Variants in KIF26B observed in about 807,000 individuals in gnomAD.
The protein encoded by KIF26B is kinesin-like protein KIF26B.
A neutral mutation model predicts 151.2 loss-of-function variants in KIF26B; 63 were observed. The ratio of observed to expected loss-of-function variants is 0.42; its 90% CI spans 0.34 to 0.51. KIF26B has a LOEUF of 0.51. Among genes scored for constraint, KIF26B ranks in the 20% least tolerant of loss-of-function variants. KIF26B has a pLI of 0.07. For synonymous variants in KIF26B, 1,357 were observed against 1,262.1 expected (o/e 1.08, Z -1.59); for missense variants, 2,813 against 2,913.6 (o/e 0.97, Z 0.79).
intron 2 of KIF26B, among the ~76,000 whole-genome samples, chr1:245,183,217 A>G (rs1668938255): frequency 6.6e-6 from 1 of 152,206 alleles, no homozygotes; most frequent in Non-Finnish European, 1.5e-5. Context: ...GTCTCTTATC[A>G]GATATATGAT....
At position 245,373,353 on chromosome 1, in the gene KIF26B, T is replaced by C. The variant is rs145855033; in HGVS notation, c.999+5986T>C. ...TTTGATTCCAAGCTAATCTTTAACC[T>C]GAAGTGTCTTAATCATACTTAATAA... On this transcript the variant is annotated intron_variant, in intron 3 of 14. Transcript: ENST00000407071. Among the ~76,000 whole-genome samples, 91 of 152,328 alleles carry C rather than the reference T, an allele frequency of 6.0e-4. 1 individual carries two copies. The highest frequency in any genetic ancestry group is 2.1e-3 in the African/African-American group (87 of 41,568).
intron 5 of KIF26B, among the ~76,000 whole-genome samples, chr1:245,541,509 A>G (rs1019473783): frequency 3.9e-5 from 6 of 152,216 alleles, no homozygotes; most frequent in African/African-American, 1.4e-4. Flanking sequence ...GCTCAGCTAC[A>G]CTTGGGATCA....
chr1:245,616,672 C>A (rs12043178), intron 9 of KIF26B, among the ~76,000 whole-genome samples: 34,979 of 152,040 alleles, frequency 0.23, 4,226 homozygotes, highest in East Asian at 0.38. Context: ...CAACCCCTCA[C>A]GAGGTCAGGT....
chr1:245,378,994 G>A (rs1434795802), intron 3 of KIF26B, among the ~76,000 whole-genome samples: 3 of 152,146 alleles, frequency 2.0e-5, no homozygotes, highest in African/African-American at 4.8e-5. Context: ...AACCTTGAGC[G>A]CCATTTTCTT....
In KIF26B at chr1:245,602,726, C is replaced by G. The variant is rs2043410153; in HGVS notation, c.1500C>G (p.Asn500Lys). 6.2e-7 allele frequency: 1 copy of G among 1,613,946 alleles called. No individual in the cohort carries two copies. Among genetic ancestry groups the G allele is most frequent in the African/African-American group, 1.3e-5 (1 of 74,928 alleles). The change falls in exon 6 of 15, where the codon AAC becomes AAG. Residue 500 changes from asparagine to lysine, a missense_variant. By Grantham distance (94) the Asn-to-Lys change is moderately conservative (BLOSUM62 0). Around this residue, in one of 3 missense-constraint regions of KIF26B, gnomAD observed 676 missense variants for 688.1 expected, o/e 0.98. Coordinates refer to ENST00000407071, the MANE Select transcript of KIF26B (RefSeq NM_018012.4). The surrounding 1 kb of genome is among the most constrained non-coding windows in gnomAD (Gnocchi z 4.5). ...AAAATGCCTTCCAAAAGAGAGGCAACCAGGTTCCTCCAAAGATGTTTGCCT... is the reference window on the plus strand; with the variant it reads ...AAAATGCCTTCCAAAAGAGAGGCAAGCAGGTTCCTCCAAAGATGTTTGCCT... ...GGQNAFQKRG[N>K]QVPPKMFAFD...
In KIF26B at chr1:245,166,359, G is replaced by A. The variant is rs185760199; in HGVS notation, c.465+9676G>A. ...CAGAGAAAATGAAAGCATTCAGTGC[G>A]TCTTTGTTTCTTCACCTCCAAGTGG... is the stretch of plus-strand genomic sequence containing the variant. On this transcript the variant is annotated intron_variant, in intron 2 of 14. Coordinates refer to ENST00000407071, the MANE Select transcript of KIF26B (RefSeq NM_018012.4). This position sits in a 1 kb window ranked among gnomAD's most constrained non-coding sequence, Gnocchi z 4.5. 1.2e-4 allele frequency among the ~76,000 whole-genome samples: 18 copies of A among 152,094 alleles called. No homozygotes were observed. The highest frequency in any genetic ancestry group is 2.7e-4 in the African/African-American group (11 of 41,498).
rs982957086 is a variant in KIF26B at position 245,606,848 on chromosome 1, A to C, written c.1558-803A>C. 1.2e-4 allele frequency among the ~76,000 whole-genome samples: 18 copies of C among 152,144 alleles called. No individual in the cohort carries two copies. The highest frequency in any genetic ancestry group is 4.3e-4 in the African/African-American group (18 of 41,432). ...GAGGCCGAGGCGGGTGGATCACCTG[A>C]GGTCAGGAGTTTGAGACCAGCCTGA... On this transcript the variant is annotated intron_variant, in intron 6 of 14. Coordinates refer to ENST00000407071, the MANE Select transcript of KIF26B (RefSeq NM_018012.4). This position sits in a 1 kb window ranked among gnomAD's most constrained non-coding sequence, Gnocchi z 4.6.
In KIF26B at chr1:245,687,716, A is replaced by C; in HGVS notation, c.4733A>C (p.Glu1578Ala). The C allele has an allele frequency of 6.3e-7, 1 of 1,580,944 alleles. No individual in the cohort carries two copies. Among genetic ancestry groups the C allele is most frequent in the Non-Finnish European group, 8.6e-7 (1 of 1,163,854 alleles). Residue 1578 changes from glutamate to alanine, a missense_variant, in exon 12 of 15, where the codon GAG becomes GCG. This residue lies in a region of KIF26B where 2,060 missense variants were observed against 2,088.6 expected (regional missense o/e 0.99). Coordinates refer to ENST00000407071, the MANE Select transcript of KIF26B (RefSeq NM_018012.4). The surrounding 1 kb of genome is among the most constrained non-coding windows in gnomAD (Gnocchi z 4.9). ...ACCCCGCCCTCCAAGGCTACCCTGGAGGGGAAGGTGGCTTCCCCCAAGCAC... is the reference window on the plus strand; with the variant it reads ...ACCCCGCCCTCCAAGGCTACCCTGGCGGGGAAGGTGGCTTCCCCCAAGCAC... Reference protein sequence around the residue: ...SGTPPSKATLEGKVASPKHCV... With the variant: ...SGTPPSKATLAGKVASPKHCV...
At chr1:245,499,647 A>C (rs924870701) in intron 4 of KIF26B, among the ~76,000 whole-genome samples, 1 of 152,206 alleles carries the variant, frequency 6.6e-6, no homozygotes, top group Non-Finnish European at 1.5e-5. Flanking sequence ...AAGTAATTTG[A>C]GGGGGACAGA....
Position 245,218,123 on chromosome 1 carries a change from C to G in KIF26B, c.465+61440C>G, listed in dbSNP as rs112927444. Among the ~76,000 whole-genome samples, 1 of 152,208 alleles carries G rather than the reference C, an allele frequency of 6.6e-6. No homozygotes were observed. The highest frequency in any genetic ancestry group is 2.4e-5 in the African/African-American group (1 of 41,458). ...TCCAGCATGTCTGGATCCTGTGCAG[C>G]GGGCAGAGGCCAGAGGCCATGGTGG... On this transcript the variant is annotated intron_variant, in intron 2 of 14. Coordinates refer to ENST00000407071, the MANE Select transcript of KIF26B (RefSeq NM_018012.4). This position sits in a 1 kb window ranked among gnomAD's most constrained non-coding sequence, Gnocchi z 4.1.
chr1:245,184,047 G>GTTTTTTTTTTTTT lies in KIF26B; in HGVS notation c.465+27366_465+27367insTTTTTTTTTTTTT, dbSNP rs1469137088. Reference sequence around the variant, plus strand: ...CCTGCAACAGGTATGGGTGGGAGTTGTTGTTTTTTTTTTTTTTTTTTTGAG... The same window carrying GTTTTTTTTTTTTT: ...CCTGCAACAGGTATGGGTGGGAGTTGTTTTTTTTTTTTTTTGTTTTTTTTTTTTTTTTTTTGAG... On this transcript the variant is annotated intron_variant, in intron 2 of 14. Transcript: ENST00000407071. Among the ~76,000 whole-genome samples the GTTTTTTTTTTTTT allele has an allele frequency of 6.3e-3, 58 of 9,228 alleles. 1 individual carries two copies. The highest frequency in any genetic ancestry group is 9.4e-3 in the Admixed American group (5 of 532). The allele number at this position is 9,228 out of a possible 152,430, so 6.1% of individuals were successfully genotyped here.
chr1:245,274,350 T>C (rs558909408), intron 2 of KIF26B, among the ~76,000 whole-genome samples: 1 of 152,184 alleles, frequency 6.6e-6, no homozygotes, highest in South Asian at 2.1e-4. Flanking sequence ...CATTAGGTAT[T>C]TATCCTAATG....
chr1:245,357,977 C>T (rs777531793), intron 2 of KIF26B, among the ~76,000 whole-genome samples: 1 of 152,118 alleles, frequency 6.6e-6, no homozygotes, highest in Non-Finnish European at 1.5e-5. Context: ...ATGGCAGTGG[C>T]GTCATCATAG....
intron 5 of KIF26B, among the ~76,000 whole-genome samples, chr1:245,548,635 TGG>T (rs1213514374): frequency 6.6e-6 from 1 of 152,164 alleles, no homozygotes; most frequent in Non-Finnish European, 1.5e-5. Flanking sequence ...TCCCACTTTG[TGG>T]GAGAAGACAA....
At chr1:245,287,498 C>CTT (rs1334935128) in intron 2 of KIF26B, among the ~76,000 whole-genome samples, 59 of 109,338 alleles carry the variant, frequency 5.4e-4, no homozygotes, top group Admixed American at 8.5e-4. Context: ...CTCTCTCTCT[C>CTT]TTTTTTTTTT....
At chr1:245,662,336 C>T (rs376494964) in intron 10 of KIF26B, among the ~76,000 whole-genome samples, 7 of 101,318 alleles carry the variant, frequency 6.9e-5, no homozygotes, top group East Asian at 2.7e-4. Flanking sequence ...ATGATATATA[C>T]ACACACACCC....
chr1:245,687,056 A>G lies in KIF26B; in HGVS notation c.4073A>G (p.Lys1358Arg). ...DDSFNKAAPI[K>R]GCKISTVSKA... Reference sequence around the variant, plus strand: ...TCTTTCAACAAAGCAGCCCCCATCAAAGGCTGCAAAATATCCACAGTGAGC... The same window carrying G: ...TCTTTCAACAAAGCAGCCCCCATCAGAGGCTGCAAAATATCCACAGTGAGC... The change falls in exon 12 of 15, where the codon AAA becomes AGA. Residue 1358 changes from lysine (K) to arginine (R), a missense_variant. By Grantham distance (26) the Lys-to-Arg change is conservative. This residue lies in a region of KIF26B where 2,060 missense variants were observed against 2,088.6 expected (regional missense o/e 0.99). Transcript: ENST00000407071. The surrounding 1 kb of genome is among the most constrained non-coding windows in gnomAD (Gnocchi z 4.9). The G allele has an allele frequency of 6.2e-7, 1 of 1,613,514 alleles. No individual in the cohort carries two copies. Among genetic ancestry groups the G allele is most frequent in the Non-Finnish European group, 8.5e-7 (1 of 1,179,816 alleles).
At chr1:245,662,532 A>G (rs2044161751) in intron 10 of KIF26B, among the ~76,000 whole-genome samples, 1 of 147,932 alleles carries the variant, frequency 6.8e-6, no homozygotes. Flanking sequence ...CACACCCCCA[A>G]TATATATACA....
chr1:245,291,854 G>T (rs1424341939), intron 2 of KIF26B, among the ~76,000 whole-genome samples: 2 of 152,106 alleles, frequency 1.3e-5, no homozygotes, highest in Non-Finnish European at 2.9e-5. Context: ...TTCAGAGAGA[G>T]GGAGTGTGCA....
Sources: allele counts gnomAD v4.1 joint callset (sites outside exome capture counted in the v4.1 genomes callset), GRCh38; gene constraint gnomAD v4.1.1; regional missense constraint gnomAD v4.1.1; non-coding constraint Gnocchi (gnomAD v3.1); transcripts MANE v1.5; gene names NCBI Gene and HGNC (gene_info 2026-07-23, HGNC 2026-07-21).